The following TTC39C variants were observed in gnomAD, a reference collection of about 807,000 sequenced individuals.
TTC39C encodes the protein tetratricopeptide repeat protein 39C.
A neutral mutation model predicts 76.3 loss-of-function variants in TTC39C; 33 were observed. The ratio of observed to expected loss-of-function variants is 0.43; its 90% confidence interval spans 0.33 to 0.58. TTC39C has a LOEUF of 0.58. TTC39C is among the 20% of genes least tolerant of loss of function. TTC39C has a pLI of 0.04. For missense variants in TTC39C, 595 were observed against 701.4 expected (o/e 0.85, Z 1.71); for synonymous variants, 254 against 260.6 (o/e 0.97, Z 0.24).
At chr18:24,024,537 C>A (rs2083574105) in intron 1 of TTC39C, among the ~76,000 whole-genome samples, 1 of 152,092 alleles carries the variant, frequency 6.6e-6, no homozygotes, top group Non-Finnish European at 1.5e-5. Context: ...CCCTAACCTG[C>A]CAAGGCAAAA....
chr18:24,026,699 C>T (rs2145667413), intron 1 of TTC39C, among the ~76,000 whole-genome samples: 1 of 152,268 alleles, frequency 6.6e-6, no homozygotes, highest in East Asian at 1.9e-4. Context: ...GTGCCTCACT[C>T]CCAGTGCCTA....
At chr18:24,027,163 G>A (rs534239962) in intron 1 of TTC39C, among the ~76,000 whole-genome samples, 54 of 152,022 alleles carry the variant, frequency 3.6e-4, no homozygotes, top group Non-Finnish European at 6.9e-4. Flanking sequence ...GTGGTGGTGG[G>A]TGCCTGTAGT....
chr18:24,036,338 C>T (rs2083732095), intron 1 of TTC39C, among the ~76,000 whole-genome samples: 3 of 152,148 alleles, frequency 2.0e-5, no homozygotes, highest in African/African-American at 7.2e-5. Context: ...ATTAAGTCTC[C>T]TAATCCATGA....
intron 1 of TTC39C, chr18:24,020,014 A>C (rs1454710559): frequency 7.0e-7 from 1 of 1,425,598 alleles, no homozygotes; most frequent in African/African-American, 1.5e-5. Flanking sequence ...CAGGCTGTCC[A>C]TGATTTCTAG....
At chr18:24,097,629 C>T (rs1313355388) in intron 6 of TTC39C, among the ~76,000 whole-genome samples, 2 of 152,198 alleles carry the variant, frequency 1.3e-5, no homozygotes, top group Non-Finnish European at 2.9e-5. Context: ...ATTTTCTTTG[C>T]AAATCTGTGT....
At chr18:24,075,034 A>T (rs2084285787) in intron 4 of TTC39C, among the ~76,000 whole-genome samples, 1 of 152,166 alleles carries the variant, frequency 6.6e-6, no homozygotes, top group African/African-American at 2.4e-5. Context: ...CATCATTCTG[A>T]GCAAACTATT....
chr18:24,041,538 G>A (rs929707478), intron 1 of TTC39C, among the ~76,000 whole-genome samples: 1 of 152,216 alleles, frequency 6.6e-6, no homozygotes, highest in African/African-American at 2.4e-5. Flanking sequence ...CTGGTTCATG[G>A]TCTTTCAGGA....
chr18:24,022,406 G>A (rs1401852280), intron 1 of TTC39C, among the ~76,000 whole-genome samples: 2 of 152,122 alleles, frequency 1.3e-5, no homozygotes, highest in African/African-American at 4.8e-5. Flanking sequence ...TTAGACAGAG[G>A]GAGGAGGAAG....
intron 1 of TTC39C, among the ~76,000 whole-genome samples, chr18:24,008,666 C>A (rs2083371874): frequency 6.6e-6 from 1 of 152,186 alleles, no homozygotes. Context: ...TTCGACCCAG[C>A]ATTCCCATTA....
upstream of TTC39C, among the ~76,000 whole-genome samples, chr18:24,013,557 G>A (rs2083410502): frequency 6.6e-6 from 1 of 152,096 alleles, no homozygotes; most frequent in Admixed American, 6.5e-5. Context: ...CCTGAGGATT[G>A]CTTTCATTTA....
At chr18:24,065,279 G>C (rs2084152434) in intron 2 of TTC39C, among the ~76,000 whole-genome samples, 1 of 152,208 alleles carries the variant, frequency 6.6e-6, no homozygotes, top group Non-Finnish European at 1.5e-5. Context: ...AGGAAATGAG[G>C]AGTTAGAGAC....
rs1387325943 is a variant in TTC39C, at chr18:23,996,316, C to T, written c.-17+3278C>T. Among the ~76,000 whole-genome samples the T allele has an allele frequency of 2.6e-5, 4 of 152,226 alleles. No homozygotes were observed. In the South Asian group the frequency reaches 6.2e-4, roughly 24 times the overall value. ...GCATCGAAAACTTCCCTAAGTGTAT[C>T]TACTATGCAGCCAAGTTTGGGAAGC... On this transcript the variant is annotated intron_variant, in intron 1 of 13. Coordinates refer to the TTC39C transcript ENST00000304621.
At chr18:24,005,976 T>G (rs1044445450) in intron 1 of TTC39C, among the ~76,000 whole-genome samples, 3 of 151,960 alleles carry the variant, frequency 2.0e-5, no homozygotes, top group Non-Finnish European at 2.9e-5. Flanking sequence ...AATGTATGTG[T>G]GTGCCTTCCT....
chr18:24,045,303 C>G (rs1177945930), intron 1 of TTC39C, among the ~76,000 whole-genome samples: 1 of 147,244 alleles, frequency 6.8e-6, no homozygotes, highest in Non-Finnish European at 1.5e-5. Flanking sequence ...GTGTCCAACC[C>G]CAGCCCACCT....
At chr18:24,077,457 C>T (rs762322751) in intron 4 of TTC39C, among the ~76,000 whole-genome samples, 7 of 152,144 alleles carry the variant, frequency 4.6e-5, no homozygotes, top group Non-Finnish European at 7.3e-5. Flanking sequence ...ATCATCTCAG[C>T]GTTGTTTGTT....
At chr18:24,078,877 A>G (rs761842612) in intron 4 of TTC39C, among the ~76,000 whole-genome samples, 3 of 152,184 alleles carry the variant, frequency 2.0e-5, no homozygotes, top group Non-Finnish European at 4.4e-5. Flanking sequence ...CCAGAATCCA[A>G]GCTTCCATTC....
At chr18:24,077,213 C>G (rs1599303011) in intron 4 of TTC39C, 1 of 152,268 alleles carries the variant, frequency 6.6e-6, no homozygotes, top group East Asian at 1.9e-4. Flanking sequence ...GGGGTGTTCC[C>G]TTTCCCTTAG....
intron 6 of TTC39C, among the ~76,000 whole-genome samples, chr18:24,093,489 A>G (rs2084552515): frequency 6.6e-6 from 1 of 151,932 alleles, no homozygotes; most frequent in Admixed American, 6.6e-5. Context: ...AAAAAAAAAA[A>G]AAAAAGTATT....
At chr18:24,062,981 T>TA (rs1415357561) in intron 1 of TTC39C, among the ~76,000 whole-genome samples, 1 of 152,242 alleles carries the variant, frequency 6.6e-6, no homozygotes, top group Non-Finnish European at 1.5e-5. Context: ...GACCCACACA[T>TA]ACTCTCACTT....
Sources: allele counts gnomAD v4.1 joint callset (sites outside exome capture counted in the v4.1 genomes callset), GRCh38; gene constraint gnomAD v4.1.1; transcripts MANE v1.5; gene names NCBI Gene and HGNC (gene_info 2026-07-23, HGNC 2026-07-21).